ARHGAP32: variants seen among roughly 807,000 people sequenced by gnomAD.
ARHGAP32 encodes the protein Rho GTPase activating protein 32, also known as rho GTPase-activating protein 32.
Under a neutral mutation model 186.5 loss-of-function variants are expected in ARHGAP32, and 51 were observed. The ratio of observed to expected loss-of-function variants is 0.27; its 90% confidence interval spans 0.22 to 0.35. The LOEUF is 0.35. ARHGAP32 is among the 10% of genes least tolerant of loss of function. The pLI is 1.00. For missense variants in ARHGAP32, 2,186 were observed against 2,623.5 expected (o/e 0.83, Z 3.64); for synonymous variants, 950 against 964.3 (o/e 0.99, Z 0.27).
intron 6 of ARHGAP32, among the ~76,000 whole-genome samples, chr11:129,086,564 G>A (rs1941402073): frequency 6.6e-6 from 1 of 152,174 alleles, no homozygotes; most frequent in South Asian, 2.1e-4. Context: ...GCTCACGCCT[G>A]TAATCCCAGC....
chr11:129,010,996 C>T, intron 11 of ARHGAP32, among the ~76,000 whole-genome samples: 1 of 152,222 alleles, frequency 6.6e-6, no homozygotes, highest in Admixed American at 6.5e-5. Context: ...AATCATTTAG[C>T]AACAAATGAG....
chr11:129,201,769 C>A (rs538879945), intron 1 of ARHGAP32, among the ~76,000 whole-genome samples: 2 of 152,200 alleles, frequency 1.3e-5, no homozygotes, highest in South Asian at 4.1e-4. Context: ...TCCCTTGAGG[C>A]CAGGAGTTGA....
chr11:129,216,436 C>T (rs1156998723), intron 1 of ARHGAP32, among the ~76,000 whole-genome samples: 1 of 151,892 alleles, frequency 6.6e-6, no homozygotes, highest in Non-Finnish European at 1.5e-5. Context: ...AATCCCAGCA[C>T]TTTGGGAGGC....
At chr11:129,228,506 A>G (rs946673215) in intron 1 of ARHGAP32, among the ~76,000 whole-genome samples, 1 of 152,188 alleles carries the variant, frequency 6.6e-6, no homozygotes, top group Non-Finnish European at 1.5e-5. Context: ...AAAGATAACA[A>G]AATTGGAATA....
chr11:129,087,172 A>C (rs1353012905), intron 6 of ARHGAP32, among the ~76,000 whole-genome samples: 3 of 152,238 alleles, frequency 2.0e-5, no homozygotes, highest in Admixed American at 1.3e-4. Context: ...TCACTTTCAA[A>C]GGCAGTTTGG....
At chr11:129,265,514 AAC>A in intron 1 of ARHGAP32, among the ~76,000 whole-genome samples, 1 of 152,232 alleles carries the variant, frequency 6.6e-6, no homozygotes, top group Non-Finnish European at 1.5e-5. Context: ...TACTGAGGAA[AAC>A]ACAGGCACTT....
At chr11:128,996,828 C>T (rs956430808) in intron 12 of ARHGAP32, among the ~76,000 whole-genome samples, 1 of 151,930 alleles carries the variant, frequency 6.6e-6, no homozygotes. Context: ...GTCGCCCAGG[C>T]TGGAGTGCAG....
intron 15 of ARHGAP32, among the ~76,000 whole-genome samples, chr11:128,984,065 T>C (rs181162248): frequency 4.6e-5 from 7 of 152,178 alleles, no homozygotes; most frequent in Admixed American, 3.3e-4. Context: ...ATGGCCCTCA[T>C]AGTAATATTC....
chr11:129,044,174 T>C (rs1939714876), intron 10 of ARHGAP32, among the ~76,000 whole-genome samples: 1 of 152,226 alleles, frequency 6.6e-6, no homozygotes, highest in Admixed American at 6.5e-5. Flanking sequence ...CTTTGTGTTT[T>C]AGTTTCTTCG....
intron 1 of ARHGAP32, among the ~76,000 whole-genome samples, chr11:129,187,389 G>T (rs1277596780): frequency 6.6e-6 from 1 of 151,314 alleles, no homozygotes; most frequent in South Asian, 2.1e-4. Flanking sequence ...GGGGCATAGT[G>T]GGAGGCTGGT....
At chr11:129,170,284 T>C (rs1388315302) in intron 1 of ARHGAP32, among the ~76,000 whole-genome samples, 3 of 150,818 alleles carry the variant, frequency 2.0e-5, no homozygotes, top group Non-Finnish European at 1.5e-5. Context: ...GCCATGGTGG[T>C]TTGTGGCATC....
At chr11:129,166,153 G>C (rs985443066) in intron 1 of ARHGAP32, among the ~76,000 whole-genome samples, 4 of 151,960 alleles carry the variant, frequency 2.6e-5, no homozygotes, top group East Asian at 1.9e-4. Context: ...GAGAGGGTTA[G>C]TGAACTAGAA....
chr11:129,100,830 G>A (rs897961828), intron 5 of ARHGAP32, among the ~76,000 whole-genome samples: 12 of 152,048 alleles, frequency 7.9e-5, no homozygotes, highest in African/African-American at 2.7e-4. Context: ...ACCAACAGAG[G>A]GCCTCCACCC....
Position 129,279,144 on chromosome 11 carries a change from A to C in ARHGAP32, c.-5+2T>G, listed in dbSNP as rs1945576165. The C allele has an allele frequency of 7.2e-6, 1 of 138,010 alleles. No individual in the cohort carries two copies. Among genetic ancestry groups the C allele is most frequent in the Admixed American group, 7.1e-5 (1 of 14,130 alleles). The allele number at this position is 138,010 out of a possible 1,614,324, so 8.5% of individuals were successfully genotyped here. ...CCCGGCCCTCCCGCGCGCCCGCCTT[A>C]CCGAGCCCCGCGGCCCCGCCGCGCC... is the stretch of plus-strand genomic sequence containing the variant. On this transcript the variant is annotated splice_donor_variant, in intron 1 of 6. Transcript: ENST00000525234. LOFTEE classifies it low-confidence loss of function (5UTR_SPLICE).
intron 11 of ARHGAP32, among the ~76,000 whole-genome samples, chr11:129,013,541 T>C (rs866427906): frequency 1.8e-4 from 28 of 152,338 alleles, no homozygotes; most frequent in African/African-American, 6.0e-4. Context: ...TGGACTCCTC[T>C]TCATTGTGGT....
Position 129,240,760 on chromosome 11 carries a change from T to A in ARHGAP32, c.-5+38386A>T, listed in dbSNP as rs931289594. Among the ~76,000 whole-genome samples the A allele has an allele frequency of 7.9e-5, 12 of 152,204 alleles. 1 individual carries two copies. The highest frequency in any genetic ancestry group is 7.2e-4 in the Admixed American group (11 of 15,282). On this transcript the variant is annotated intron_variant, in intron 1 of 6. Coordinates refer to the ARHGAP32 transcript ENST00000525234. ...GAGATTAATATTTTCTTTTATATTTTTTGTCATTATATCATAAGAAACCAC... is the reference window on the plus strand; with the variant it reads ...GAGATTAATATTTTCTTTTATATTTATTGTCATTATATCATAAGAAACCAC...
At chr11:129,178,248 C>T (rs1943965362) in intron 1 of ARHGAP32, among the ~76,000 whole-genome samples, 1 of 151,940 alleles carries the variant, frequency 6.6e-6, no homozygotes, top group Non-Finnish European at 1.5e-5. Flanking sequence ...ATGTGAAGGA[C>T]CTCTTCAAGG....
At chr11:129,086,591 G>C (rs1192444077) in intron 6 of ARHGAP32, among the ~76,000 whole-genome samples, 1 of 152,192 alleles carries the variant, frequency 6.6e-6, no homozygotes, top group Admixed American at 6.5e-5. Flanking sequence ...GGAGGCCAAG[G>C]CGGGCGGATC....
intron 10 of ARHGAP32, among the ~76,000 whole-genome samples, chr11:129,062,013 T>C (rs1940521185): frequency 6.6e-6 from 1 of 152,186 alleles, no homozygotes; most frequent in Non-Finnish European, 1.5e-5. Context: ...ACAGGCCTTG[T>C]AACCTAAAAG....
Sources: allele counts gnomAD v4.1 joint callset (sites outside exome capture counted in the v4.1 genomes callset), GRCh38; gene constraint gnomAD v4.1.1; transcripts MANE v1.5; gene names NCBI Gene and HGNC (gene_info 2026-07-23, HGNC 2026-07-21).